ANGPT2: variants seen among roughly 807,000 people sequenced by gnomAD.
ANGPT2 encodes angiopoietin 2.
In ANGPT2, 28 loss-of-function variants were observed where a neutral mutation model predicts 62.9. That is an observed-to-expected ratio of 0.44 (90% CI 0.33 to 0.61). The LOEUF (loss-of-function observed/expected upper bound fraction) is 0.61, where lower values mean the gene tolerates loss of function less well. Among genes scored for constraint, ANGPT2 ranks in the 20% least tolerant of loss-of-function variants. The pLI is 0.03. For synonymous variants in ANGPT2, 284 were observed against 207.8 expected (o/e 1.37, Z -3.15); for missense variants, 727 against 594.9 (o/e 1.22, Z -2.31).
rs1812171774 is a variant in ANGPT2 at position 6,501,510 on chromosome 8, T to C, written c.*1591A>G. Reference sequence around the variant, plus strand: ...AAAACTCCAGGAGTTTATGGTTTTGTAGTCCCGAGTATAAAGCTGTGTTCT... The same window carrying C: ...AAAACTCCAGGAGTTTATGGTTTTGCAGTCCCGAGTATAAAGCTGTGTTCT... On this transcript the variant is annotated 3_prime_UTR_variant, in exon 9 of 9. Coordinates refer to ENST00000629816, the MANE Select transcript of ANGPT2 (RefSeq NM_001118887.2). 6.6e-6 allele frequency: 1 copy of C among 151,974 alleles called. No individual in the cohort carries two copies. The highest frequency in any genetic ancestry group is 1.5e-5 in the Non-Finnish European group (1 of 67,982). 9.4% of individuals were successfully genotyped at this position (151,974 alleles called of 1,614,324 possible).
chr8:6,545,410 G>T (rs2959822), intron 1 of ANGPT2, among the ~76,000 whole-genome samples: 1 of 152,154 alleles, frequency 6.6e-6, no homozygotes, highest in Non-Finnish European at 1.5e-5. Context: ...GACAAGTTTT[G>T]TTGTGACACT....
intron 2 of ANGPT2, among the ~76,000 whole-genome samples, chr8:6,529,270 T>C (rs1001347745): frequency 2.0e-5 from 3 of 152,168 alleles, no homozygotes; most frequent in African/African-American, 2.4e-5. Context: ...CAGCCACCCA[T>C]TGTTGCTCAA....
intron 3 of ANGPT2, among the ~76,000 whole-genome samples, chr8:6,522,306 G>A (rs1040095960): frequency 2.6e-5 from 4 of 151,904 alleles, no homozygotes; most frequent in African/African-American, 9.7e-5. Context: ...AGTGAGCTGA[G>A]ATCATGCCAC....
At chr8:6,521,013 C>T (rs892874398) in intron 4 of ANGPT2, among the ~76,000 whole-genome samples, 165 bp downstream of exon 4, 2 of 152,136 alleles carry the variant, frequency 1.3e-5, no homozygotes, top group Admixed American at 1.3e-4. Context: ...ATTAGTATAA[C>T]ATATATTTCC....
chr8:6,552,261 A>G (rs1823773750), intron 1 of ANGPT2, among the ~76,000 whole-genome samples: 2 of 152,140 alleles, frequency 1.3e-5, no homozygotes, highest in South Asian at 4.1e-4. Context: ...TACGACTCAC[A>G]CTGAACCTGA....
Position 6,532,368 on chromosome 8 carries a change from C to A in ANGPT2, c.408G>T (p.Ala136=), listed in dbSNP as rs6559167. ...EIGTNLLNQT[A]EQTRKLTDVE... ...CATCAGTTAACTTCCGCGTTTGCTC[C>A]GCTGTTTGGTTCAACAGGTTTGTCC... is the stretch of plus-strand genomic sequence containing the variant. The change falls in exon 2 of 9, where the codon GCG becomes GCT. Residue 136 remains alanine (A), a synonymous_variant. Coordinates refer to ENST00000629816, the MANE Select transcript of ANGPT2 (RefSeq NM_001118887.2). The A allele has an allele frequency of 0.31, 498,181 of 1,613,718 alleles. 78,299 individuals carry two copies. The highest frequency in any genetic ancestry group is 0.42 in the East Asian group (18,669 of 44,846).
intron 1 of ANGPT2, among the ~76,000 whole-genome samples, chr8:6,551,835 T>A (rs1298392201): frequency 1.3e-5 from 2 of 152,202 alleles, no homozygotes; most frequent in Non-Finnish European, 2.9e-5. Context: ...ATAACGTACT[T>A]TCTCGAGCAG....
At chr8:6,541,758 C>T (rs1821618918) in intron 1 of ANGPT2, among the ~76,000 whole-genome samples, 1 of 152,070 alleles carries the variant, frequency 6.6e-6, no homozygotes, top group South Asian at 2.1e-4. Flanking sequence ...AATCCCAATA[C>T]TTTAGGGGGC....
At chr8:6,505,610 T>C (rs1161307201) in intron 8 of ANGPT2, among the ~76,000 whole-genome samples, 12 of 128,022 alleles carry the variant, frequency 9.4e-5, no homozygotes, top group Non-Finnish European at 1.9e-4. Context: ...ATATATATAT[T>C]CTTTATATAT....
chr8:6,545,461 G>A (rs1357344338), intron 1 of ANGPT2, among the ~76,000 whole-genome samples: 1 of 152,176 alleles, frequency 6.6e-6, no homozygotes, highest in African/African-American at 2.4e-5. Context: ...TGTCTCTGCA[G>A]TTTTCATCTA....
At chr8:6,557,160 G>A (rs1415666943) in intron 1 of ANGPT2, among the ~76,000 whole-genome samples, 10 of 152,222 alleles carry the variant, frequency 6.6e-5, no homozygotes, top group Non-Finnish European at 1.5e-4. Flanking sequence ...CAGCCCCACG[G>A]AAAATTCTGC....
At chr8:6,553,809 C>T (rs1176358601) in intron 1 of ANGPT2, among the ~76,000 whole-genome samples, 1 of 152,110 alleles carries the variant, frequency 6.6e-6, no homozygotes, top group Non-Finnish European at 1.5e-5. Context: ...TCAGACGGTC[C>T]TTATAAAGTC....
At chr8:6,532,256 T>G in intron 2 of ANGPT2, 76 bp downstream of exon 2, 14 of 1,552,980 alleles carry the variant, frequency 9.0e-6, no homozygotes, top group African/African-American at 1.4e-5. Flanking sequence ...ATGCCTTCAT[T>G]GAGGAAGCTC....
chr8:6,506,471 C>A (rs140954372), intron 8 of ANGPT2, among the ~76,000 whole-genome samples: 9 of 152,274 alleles, frequency 5.9e-5, no homozygotes, highest in African/African-American at 2.2e-4. Flanking sequence ...TGCAATTCTC[C>A]TACTCTCCTG....
chr8:6,507,915 A>G (rs1397642472), intron 8 of ANGPT2: 1 of 152,070 alleles, frequency 6.6e-6, no homozygotes, highest in African/African-American at 2.4e-5. Context: ...CTTTATTCCT[A>G]TGTTTGAACT....
At chr8:6,542,633 C>T (rs1262764413) in intron 1 of ANGPT2, among the ~76,000 whole-genome samples, 1 of 151,428 alleles carries the variant, frequency 6.6e-6, no homozygotes, top group East Asian at 1.9e-4. Context: ...GGAGCATTAA[C>T]ATTCTTACTT....
At chr8:6,521,690 A>T (rs1248340375) in intron 3 of ANGPT2, among the ~76,000 whole-genome samples, 1 of 152,180 alleles carries the variant, frequency 6.6e-6, no homozygotes, top group Non-Finnish European at 1.5e-5. Context: ...TAGGTGGGAT[A>T]TGGGTGTTTT....
intron 1 of ANGPT2, among the ~76,000 whole-genome samples, chr8:6,550,862 C>A (rs1446935213): frequency 6.6e-6 from 1 of 152,144 alleles, no homozygotes; most frequent in Non-Finnish European, 1.5e-5. Flanking sequence ...CAGCTGCCAC[C>A]ACAGTGATGG....
chr8:6,544,383 C>T (rs1353028523), intron 1 of ANGPT2, among the ~76,000 whole-genome samples: 2 of 152,214 alleles, frequency 1.3e-5, no homozygotes, highest in African/African-American at 2.4e-5. Flanking sequence ...GTGAACTGCA[C>T]ATGGTGATTA....
Sources: allele counts gnomAD v4.1 joint callset (sites outside exome capture counted in the v4.1 genomes callset), GRCh38; gene constraint gnomAD v4.1.1; transcripts MANE v1.5; gene names NCBI Gene and HGNC (gene_info 2026-07-23, HGNC 2026-07-21).